The following CPNE4 variants were observed in gnomAD, a reference collection of about 807,000 sequenced individuals.
CPNE4 encodes copine 4, also known as copine-4.
In CPNE4, 25 loss-of-function variants were observed where a neutral mutation model predicts 67.9. The ratio of observed to expected loss-of-function variants is 0.37; its 90% CI spans 0.27 to 0.51. The LOEUF is 0.51. Among genes scored for constraint, CPNE4 ranks in the 20% least tolerant of loss-of-function variants. The pLI is 0.93. For synonymous variants in CPNE4, 242 were observed against 244.9 expected (o/e 0.99, Z 0.11); for missense variants, 464 against 690.8 (o/e 0.67, Z 3.68).
At chr3:131,572,852 T>C (rs1196847904) in intron 10 of CPNE4, among the ~76,000 whole-genome samples, 1 of 152,032 alleles carries the variant, frequency 6.6e-6, no homozygotes, top group Non-Finnish European at 1.5e-5. Flanking sequence ...CAGGAAACCT[T>C]CCTCTCTTCA....
At chr3:131,915,162 T>C (rs1254779949) in intron 1 of CPNE4, among the ~76,000 whole-genome samples, 1 of 152,210 alleles carries the variant, frequency 6.6e-6, no homozygotes, top group Admixed American at 6.5e-5. Context: ...AGCCAGGAAT[T>C]AAACCTGGGT....
intron 2 of CPNE4, among the ~76,000 whole-genome samples, chr3:131,781,108 G>A (rs898989960): frequency 4.6e-5 from 7 of 151,876 alleles, no homozygotes; most frequent in Non-Finnish European, 7.4e-5. Flanking sequence ...AAAAATTCCC[G>A]CAAATCAATT....
chr3:131,578,740 A>T (rs116091336), intron 9 of CPNE4, among the ~76,000 whole-genome samples: 5,520 of 152,296 alleles, frequency 0.036, 300 homozygotes, highest in African/African-American at 0.12. Flanking sequence ...ACCAGATACA[A>T]CATTCCCTTA....
chr3:131,888,846 G>C (rs1023691090), intron 2 of CPNE4, among the ~76,000 whole-genome samples: 7 of 152,126 alleles, frequency 4.6e-5, no homozygotes, highest in Admixed American at 2.0e-4. Context: ...TAAGAAACTT[G>C]GCAGACACTT....
At chr3:131,559,229 G>T (rs1936627875) in intron 11 of CPNE4, among the ~76,000 whole-genome samples, 1 of 151,566 alleles carries the variant, frequency 6.6e-6, no homozygotes, top group Admixed American at 6.6e-5. Flanking sequence ...AATTTTTTTT[G>T]GTATATAACT....
chr3:131,642,622 G>A (rs1433322453), intron 7 of CPNE4, among the ~76,000 whole-genome samples: 1 of 152,196 alleles, frequency 6.6e-6, no homozygotes, highest in Non-Finnish European at 1.5e-5. Context: ...GACCCAGTGG[G>A]AGGTAATTGA....
chr3:131,906,159 G>GC (rs11369759), intron 1 of CPNE4, among the ~76,000 whole-genome samples: 30,874 of 151,822 alleles, frequency 0.2, 3,833 homozygotes, highest in Non-Finnish European at 0.27. Flanking sequence ...AGCACTGCAG[G>GC]CCCCCTGCCC....
chr3:131,871,017 G>A (rs892969042), intron 2 of CPNE4, among the ~76,000 whole-genome samples: 1 of 152,130 alleles, frequency 6.6e-6, no homozygotes, highest in African/African-American at 2.4e-5. Flanking sequence ...TGGGAAACCA[G>A]TTATTAAGCC....
At chr3:132,037,278 T>G (rs1441645401), upstream of CPNE4, among the ~76,000 whole-genome samples, 1 of 68,168 alleles carries the variant, frequency 1.5e-5, no homozygotes, top group African/African-American at 7.1e-5. Context: ...GTTGCCTGCA[T>G]GCCAGTGCGC....
At chr3:131,974,508 C>T (rs917548725) in intron 1 of CPNE4, among the ~76,000 whole-genome samples, 2 of 152,178 alleles carry the variant, frequency 1.3e-5, no homozygotes, top group African/African-American at 4.8e-5. Flanking sequence ...GAAGTAAATT[C>T]AGCTGAGAAA....
chr3:131,654,243 T>C (rs898344200), intron 7 of CPNE4, among the ~76,000 whole-genome samples: 12 of 152,154 alleles, frequency 7.9e-5, no homozygotes, highest in African/African-American at 2.9e-4. Context: ...GGCTTCCTCA[T>C]CTATTGTTTT....
At chr3:131,941,500 T>C (rs2071386167) in intron 1 of CPNE4, among the ~76,000 whole-genome samples, 1 of 151,988 alleles carries the variant, frequency 6.6e-6, no homozygotes, top group African/African-American at 2.4e-5. Context: ...AACAGCACAC[T>C]ACTATGAAAT....
At chr3:131,625,138 A>G (rs1007149531) in intron 7 of CPNE4, among the ~76,000 whole-genome samples, 3 of 151,656 alleles carry the variant, frequency 2.0e-5, no homozygotes, top group Non-Finnish European at 4.4e-5. Context: ...AACTTATCCA[A>G]CTCCTCCTTT....
At chr3:131,550,584 C>T (rs1016116214) in intron 13 of CPNE4, among the ~76,000 whole-genome samples, 6 of 152,074 alleles carry the variant, frequency 3.9e-5, no homozygotes, top group African/African-American at 1.4e-4. Context: ...TACCCGTGCC[C>T]TCTATAAGAG....
At chr3:132,035,148 G>C (rs754013025), upstream of CPNE4, 31 of 798,966 alleles carry the variant, frequency 3.9e-5, no homozygotes, top group Non-Finnish European at 4.5e-5. Context: ...CCTTGGCGGC[G>C]GCGCTCTCCG....
intron 7 of CPNE4, among the ~76,000 whole-genome samples, chr3:131,593,676 C>T (rs1234010794): frequency 2.0e-5 from 3 of 152,098 alleles, no homozygotes. Flanking sequence ...TCCCTAATTG[C>T]TCTGGCTAGA....
At chr3:131,798,589 A>G (rs1385218140) in intron 2 of CPNE4, among the ~76,000 whole-genome samples, 1 of 152,164 alleles carries the variant, frequency 6.6e-6, no homozygotes, top group African/African-American at 2.4e-5. Context: ...TGAGGTGGTG[A>G]TGAGAAAAAA....
intron 7 of CPNE4, among the ~76,000 whole-genome samples, chr3:131,596,479 G>A (rs568577533): frequency 2.2e-5 from 3 of 136,864 alleles, no homozygotes; most frequent in East Asian, 4.2e-4. Flanking sequence ...AAAATTAGCC[G>A]GGCGTAGTGG....
chr3:131,959,568 C>T (rs1300557464), intron 1 of CPNE4, among the ~76,000 whole-genome samples: 1 of 152,132 alleles, frequency 6.6e-6, no homozygotes, highest in Non-Finnish European at 1.5e-5. Context: ...CACTGAGGAA[C>T]TCTGTCGAAA....
Sources: gnomAD v4.1 joint callset for allele counts (sites outside exome capture counted in the v4.1 genomes callset) on GRCh38, gnomAD v4.1.1 for gene constraint, MANE v1.5 for transcripts, NCBI Gene and HGNC (gene_info 2026-07-23, HGNC 2026-07-21) for gene names.